FSD1L: variants seen among roughly 807,000 people sequenced by gnomAD.
The protein encoded by FSD1L is fibronectin type III and SPRY domain containing 1 like, also known as FSD1-like protein.
Under a neutral mutation model 71.6 loss-of-function variants are expected in FSD1L, and 45 were observed. The ratio of observed to expected loss-of-function variants is 0.63; its 90% CI spans 0.49 to 0.81. FSD1L has a LOEUF of 0.81. Ranked by LOEUF, FSD1L falls within the 30% of genes least tolerant of loss-of-function variation. FSD1L has a pLI of 0.00. For synonymous variants in FSD1L, 197 were observed against 207.2 expected, an observed-to-expected ratio of 0.95 and a Z score of 0.42; for missense variants, 561 against 618.1, an observed-to-expected ratio of 0.91 and a Z score of 0.98.
chr9:105,494,786 G>T (rs948347099), intron 7 of FSD1L, among the ~76,000 whole-genome samples: 1 of 152,126 alleles, frequency 6.6e-6, no homozygotes, highest in Non-Finnish European at 1.5e-5. Context: ...GTTTGCCTGG[G>T]TACCAGCAGC....
intron 10 of FSD1L, chr9:105,524,644 T>C (rs1250299039): frequency 1.2e-6 from 2 of 1,613,898 alleles, no homozygotes; most frequent in Non-Finnish European, 1.7e-6. Flanking sequence ...TATGATCCTT[T>C]TATGCATTTG....
chr9:105,449,698 T>C (rs1829868434), intron 1 of FSD1L, among the ~76,000 whole-genome samples: 1 of 152,236 alleles, frequency 6.6e-6, no homozygotes, highest in Admixed American at 6.5e-5. Context: ...ACTAAAATAC[T>C]GTGTCCCATA....
In FSD1L at chr9:105,522,855, C is replaced by T. The variant is rs1835264075; in HGVS notation, c.1025+9919C>T. 6.2e-6 allele frequency: 10 copies of T among 1,609,216 alleles called. No individual in the cohort carries two copies. In the South Asian group the frequency reaches 8.8e-5, roughly 14 times the overall value. On this transcript the variant is annotated intron_variant, in intron 10 of 13. Transcript: ENST00000481272. The stretch of plus-strand genomic sequence containing the variant: ...AAGTAGTCCAGGCAGCCTGGAAATT[C>T]CCAAAGACCTCCCTGATATTCTAAA...
rs573757772 is a variant in FSD1L, at chr9:105,521,066, G to C, written c.1025+8130G>C. On this transcript the variant is annotated intron_variant, in intron 10 of 13. Coordinates refer to ENST00000481272, the MANE Select transcript of FSD1L (RefSeq NM_001145313.3). ...ATCATCCTATACTTGACATCCCGCA[G>C]ATGAGACCAAAGCCACATTATGTCA... 3.1e-6 allele frequency: 5 copies of C among 1,613,412 alleles called. No individual in the cohort carries two copies. In the East Asian group the frequency reaches 1.1e-4, roughly 36 times the overall value.
chr9:105,493,809 A>C (rs1299947761), intron 7 of FSD1L, among the ~76,000 whole-genome samples: 2 of 152,096 alleles, frequency 1.3e-5, no homozygotes, highest in Admixed American at 6.6e-5. Context: ...TCTTTTCTTT[A>C]AGAATGTTGA....
chr9:105,467,884 G>A (rs879326477), intron 3 of FSD1L, among the ~76,000 whole-genome samples: 1 of 152,176 alleles, frequency 6.6e-6, no homozygotes, highest in Non-Finnish European at 1.5e-5. Context: ...AGGTCTGGAC[G>A]AAGTTGGGAA....
chr9:105,491,231 A>T (rs933666101), intron 7 of FSD1L, among the ~76,000 whole-genome samples: 2 of 151,492 alleles, frequency 1.3e-5, no homozygotes, highest in African/African-American at 2.4e-5. Flanking sequence ...CATCCCTTGT[A>T]AGTTGGATTT....
intron 7 of FSD1L, among the ~76,000 whole-genome samples, chr9:105,500,483 A>T (rs1233341095): frequency 6.6e-6 from 1 of 152,094 alleles, no homozygotes; most frequent in Non-Finnish European, 1.5e-5. Context: ...TTGGAGTTGG[A>T]TATTTCCCTT....
At chr9:105,448,458 T>A (rs1829767463) in intron 1 of FSD1L, among the ~76,000 whole-genome samples, 1 of 152,162 alleles carries the variant, frequency 6.6e-6, no homozygotes, top group South Asian at 2.1e-4. Flanking sequence ...TGGCCTCTGC[T>A]CTGCGCGCTG....
chr9:105,533,750 T>C (rs955990461), intron 10 of FSD1L, among the ~76,000 whole-genome samples: 2 of 150,570 alleles, frequency 1.3e-5, no homozygotes, highest in Non-Finnish European at 3.0e-5. Context: ...AAGACAGAGT[T>C]TTGCTCTTGT....
intron 13 of FSD1L, among the ~76,000 whole-genome samples, chr9:105,543,705 A>G (rs867031878): frequency 2.6e-5 from 4 of 152,008 alleles, no homozygotes; most frequent in South Asian, 2.1e-4. Context: ...TCCCTGCGAT[A>G]GTTTGCTGAG....
intron 10 of FSD1L, among the ~76,000 whole-genome samples, chr9:105,532,890 A>C (rs551057012): frequency 4.7e-4 from 71 of 152,338 alleles, no homozygotes; most frequent in Non-Finnish European, 7.6e-4. Flanking sequence ...TTGTCTAATA[A>C]GTCTGATTTC....
chr9:105,498,492 A>G (rs1833563294), intron 7 of FSD1L, among the ~76,000 whole-genome samples: 1 of 152,090 alleles, frequency 6.6e-6, no homozygotes, highest in Non-Finnish European at 1.5e-5. Flanking sequence ...TTGTAACACA[A>G]TGATAATAAT....
chr9:105,493,676 G>A (rs1354922734), intron 7 of FSD1L, among the ~76,000 whole-genome samples: 1 of 152,186 alleles, frequency 6.6e-6, no homozygotes. Flanking sequence ...TCCTTCAGGA[G>A]CTCTTTTAGG....
rs920822625 is a variant in FSD1L at position 105,546,739 on chromosome 9, A to G, written c.*256A>G. The G allele has an allele frequency of 8.0e-6, 2 of 249,004 alleles. No homozygotes were observed. The highest frequency in any genetic ancestry group is 1.5e-5 in the Non-Finnish European group (2 of 131,746). 15.4% of individuals were successfully genotyped at this position (249,004 alleles called of 1,614,324 possible). ...GGGGAAAAGGCAGTGTTTAATTAAC[A>G]TAAAAACTCATTTTTGTATTTCTTG... On this transcript the variant is annotated 3_prime_UTR_variant, in exon 14 of 14. Transcript: ENST00000481272.
intron 6 of FSD1L, among the ~76,000 whole-genome samples, chr9:105,483,752 G>T (rs1011266361): frequency 6.6e-6 from 1 of 152,036 alleles, no homozygotes; most frequent in African/African-American, 2.4e-5. Context: ...TCACAGGGCT[G>T]TTTCTTACAG....
upstream of FSD1L, among the ~76,000 whole-genome samples, chr9:105,445,810 C>T (rs942970968): frequency 3.9e-5 from 6 of 152,110 alleles, no homozygotes; most frequent in Non-Finnish European, 5.9e-5. Context: ...TTATTCCTCA[C>T]GGAGTTGGGA....
chr9:105,519,305 C>T (rs1288843531), intron 10 of FSD1L, among the ~76,000 whole-genome samples: 1 of 152,110 alleles, frequency 6.6e-6, no homozygotes, highest in Non-Finnish European at 1.5e-5. Context: ...CTCATTTTAT[C>T]AGGCCAGCAT....
At chr9:105,505,497 G>T (rs368907050) in intron 7 of FSD1L, among the ~76,000 whole-genome samples, 1 of 152,176 alleles carries the variant, frequency 6.6e-6, no homozygotes, top group African/African-American at 2.4e-5. Flanking sequence ...CTGACCTCGT[G>T]ATCTGCCTGC....
Sources: allele counts gnomAD v4.1 joint callset (sites outside exome capture counted in the v4.1 genomes callset), GRCh38; gene constraint gnomAD v4.1.1; transcripts MANE v1.5; gene names NCBI Gene and HGNC (gene_info 2026-07-23, HGNC 2026-07-21).